The following CSMD1 variants were observed in gnomAD, a reference collection of about 807,000 sequenced individuals.
The protein encoded by CSMD1 is CUB and Sushi multiple domains 1.
A neutral mutation model predicts 417.5 loss-of-function variants in CSMD1; 213 were observed. The observed-to-expected ratio is 0.51, with a 90% confidence interval of 0.46 to 0.57. The LOEUF (loss-of-function observed/expected upper bound fraction) is 0.57, where lower values mean the gene tolerates loss of function less well. Ranked by LOEUF, CSMD1 falls within the 20% of genes least tolerant of loss-of-function variation. The probability of loss-of-function intolerance (pLI) is 0.00; values close to 1 mark genes in which losing one functional copy is unlikely to be tolerated. For missense variants in CSMD1, 6,923 were observed against 4,529.7 expected (o/e 1.53, Z -15.17); for synonymous variants, 2,862 against 1,736.8 (o/e 1.65, Z -16.11).
chr8:3,261,742 A>T (rs1391120385), intron 26 of CSMD1, among the ~76,000 whole-genome samples: 1 of 152,158 alleles, frequency 6.6e-6, no homozygotes, highest in African/African-American at 2.4e-5. Flanking sequence ...TGAAGAGGCC[A>T]GTCCGAGAGA....
chr8:3,024,616 A>C (rs889527837), intron 51 of CSMD1, among the ~76,000 whole-genome samples: 1 of 152,164 alleles, frequency 6.6e-6, no homozygotes, highest in African/African-American at 2.4e-5. Context: ...CTACATTTTA[A>C]GTTTTTAAAA....
intron 1 of CSMD1, among the ~76,000 whole-genome samples, chr8:4,776,599 A>G (rs866921313): frequency 1.3e-5 from 2 of 152,156 alleles, no homozygotes; most frequent in Admixed American, 6.6e-5. Context: ...TTCGCGTTCA[A>G]TGATACCTCC....
chr8:3,554,185 G>A (rs1048437768), intron 10 of CSMD1, among the ~76,000 whole-genome samples: 4 of 152,198 alleles, frequency 2.6e-5, no homozygotes, highest in African/African-American at 7.2e-5. Flanking sequence ...AGTTTTTAAT[G>A]GATATAGCCA....
At chr8:3,666,488 G>C (rs150999555) in intron 7 of CSMD1, among the ~76,000 whole-genome samples, 370 of 124,884 alleles carry the variant, frequency 3.0e-3, no homozygotes, top group African/African-American at 0.011. Context: ...ACATGCACAG[G>C]GCCAGGATCT....
intron 3 of CSMD1, among the ~76,000 whole-genome samples, chr8:4,272,179 T>C (rs939098087): frequency 2.6e-5 from 4 of 152,172 alleles, no homozygotes; most frequent in Non-Finnish European, 5.9e-5. Flanking sequence ...TACAGCTAGT[T>C]TTCCTGTATG....
intron 10 of CSMD1, among the ~76,000 whole-genome samples, chr8:3,572,953 G>A (rs1800003891): frequency 6.6e-6 from 1 of 152,018 alleles, no homozygotes; most frequent in Non-Finnish European, 1.5e-5. Flanking sequence ...TTAAAAGTGT[G>A]TAAATGCAGA....
chr8:3,692,783 T>C (rs1371365854), intron 7 of CSMD1, among the ~76,000 whole-genome samples: 2 of 152,306 alleles, frequency 1.3e-5, no homozygotes, highest in African/African-American at 2.4e-5. Context: ...CCTTTTACTA[T>C]AGGCTATTCT....
intron 3 of CSMD1, among the ~76,000 whole-genome samples, chr8:4,378,315 A>G (rs1802883697): frequency 6.6e-6 from 1 of 152,238 alleles, no homozygotes; most frequent in East Asian, 1.9e-4. Flanking sequence ...ATTGTTATAA[A>G]TTGCTGTTTT....
chr8:3,788,062 T>A lies in CSMD1; in HGVS notation c.819-34020A>T, dbSNP rs371070771. Among the ~76,000 whole-genome samples the A allele has an allele frequency of 1.1e-3, 171 of 152,320 alleles. 1 individual carries two copies. The South Asian group carries it at 0.011, about 10-fold the overall frequency. ...ACCTCACACACTGGCTCAAAAAGCCTCTCCATCCAGTGAGTGTTCTTTGGG... is the reference window on the plus strand; with the variant it reads ...ACCTCACACACTGGCTCAAAAAGCCACTCCATCCAGTGAGTGTTCTTTGGG... On this transcript the variant is annotated intron_variant, in intron 5 of 69. Coordinates refer to ENST00000635120, the MANE Select transcript of CSMD1 (RefSeq NM_033225.6).
At chr8:3,342,648 T>G (rs1278894097) in intron 23 of CSMD1, among the ~76,000 whole-genome samples, 1 of 152,176 alleles carries the variant, frequency 6.6e-6, no homozygotes, top group Non-Finnish European at 1.5e-5. Flanking sequence ...TTTACATCTT[T>G]AAAAACATAT....
chr8:3,632,994 C>A (rs1029127898), intron 7 of CSMD1, among the ~76,000 whole-genome samples: 1 of 152,172 alleles, frequency 6.6e-6, no homozygotes, highest in African/African-American at 2.4e-5. Flanking sequence ...GCTCTCGCAC[C>A]TGAGAGATAT....
chr8:4,389,777 A>G (rs1168126947), intron 3 of CSMD1, among the ~76,000 whole-genome samples: 1 of 152,100 alleles, frequency 6.6e-6, no homozygotes, highest in East Asian at 1.9e-4. Flanking sequence ...TATTTTTGAA[A>G]CCTATTAAAA....
chr8:3,741,168 C>A (rs566715388), intron 6 of CSMD1, among the ~76,000 whole-genome samples: 2 of 133,420 alleles, frequency 1.5e-5, no homozygotes, highest in Admixed American at 1.7e-4. Context: ...GAGCTGAGAT[C>A]GTGCTATTGC....
At chr8:3,057,275 T>C (rs1812296399) in intron 49 of CSMD1, among the ~76,000 whole-genome samples, 1 of 152,206 alleles carries the variant, frequency 6.6e-6, no homozygotes. Flanking sequence ...TCAATTTGAA[T>C]TGTGTAAGTT....
At chr8:4,133,365 A>C (rs2130988167) in intron 3 of CSMD1, among the ~76,000 whole-genome samples, 1 of 152,338 alleles carries the variant, frequency 6.6e-6, no homozygotes, top group African/African-American at 2.4e-5. Flanking sequence ...CACAAAGCTT[A>C]ATAAAGTGAC....
chr8:4,404,682 TATG>T (rs1357986019), intron 3 of CSMD1, among the ~76,000 whole-genome samples: 3 of 152,136 alleles, frequency 2.0e-5, no homozygotes, highest in East Asian at 3.9e-4. Flanking sequence ...ATATTAAACT[TATG>T]TTTATAATAT....
chr8:4,850,382 C>CTTTTTTTTTTTTTTTTTTTTTTTTT, intron 1 of CSMD1, among the ~76,000 whole-genome samples: 3 of 77,826 alleles, frequency 3.9e-5, no homozygotes, highest in African/African-American at 5.2e-5. Context: ...TCCAATTTAT[C>CTTTTTTTTTTTTTTTTTTTTTTTTT]TTTTTTTTTT....
intron 7 of CSMD1, among the ~76,000 whole-genome samples, chr8:3,634,101 G>A (rs570641135): frequency 2.6e-4 from 39 of 152,306 alleles, no homozygotes; most frequent in African/African-American, 7.5e-4. Flanking sequence ...TGCCCTGCCC[G>A]TTAGAAGTTT....
chr8:4,041,664 G>A (rs2740910), intron 3 of CSMD1, among the ~76,000 whole-genome samples: 113,459 of 152,130 alleles, frequency 0.75, 42,783 homozygotes, highest in East Asian at 0.98. Flanking sequence ...TCAATGAAAA[G>A]TGAGCCAGAA....
Sources: gnomAD v4.1 joint callset for allele counts (sites outside exome capture counted in the v4.1 genomes callset) on GRCh38, gnomAD v4.1.1 for gene constraint, MANE v1.5 for transcripts, NCBI Gene and HGNC (gene_info 2026-07-23, HGNC 2026-07-21) for gene names.